Variants in CSMD1 observed in about 807,000 individuals in gnomAD.
The protein encoded by CSMD1 is CUB and sushi domain-containing protein 1.
A neutral mutation model predicts 417.5 loss-of-function variants in CSMD1; 213 were observed. That is an observed-to-expected ratio of 0.51 (90% CI 0.46 to 0.57). CSMD1 has a LOEUF of 0.57. Ranked by LOEUF, CSMD1 falls within the 20% of genes least tolerant of loss-of-function variation. The pLI is 0.00. For missense variants in CSMD1, 6,923 were observed against 4,529.7 expected, an observed-to-expected ratio of 1.53 and a Z score of -15.17; for synonymous variants, 2,862 against 1,736.8, an observed-to-expected ratio of 1.65 and a Z score of -16.11.
At chr8:4,733,775 C>G (rs1305735675) in intron 1 of CSMD1, among the ~76,000 whole-genome samples, 1 of 152,132 alleles carries the variant, frequency 6.6e-6, no homozygotes, top group Non-Finnish European at 1.5e-5. Context: ...AACTTAACAA[C>G]AACGACAAAA....
intron 10 of CSMD1, among the ~76,000 whole-genome samples, chr8:3,496,970 A>G (rs1796391568): frequency 6.6e-6 from 1 of 152,140 alleles, no homozygotes; most frequent in African/African-American, 2.4e-5. Context: ...CTTGTTATTT[A>G]TTTCTAATTT....
At chr8:3,737,744 T>A (rs780907931) in intron 6 of CSMD1, among the ~76,000 whole-genome samples, 1 of 152,196 alleles carries the variant, frequency 6.6e-6, no homozygotes, top group African/African-American at 2.4e-5. Context: ...TTAAAGATTC[T>A]CTGACCACAT....
chr8:3,978,362 T>C (rs1813605082), intron 5 of CSMD1, among the ~76,000 whole-genome samples: 1 of 152,178 alleles, frequency 6.6e-6, no homozygotes. Flanking sequence ...ATATAATTTT[T>C]ACATCTTATT....
Position 3,343,330 on chromosome 8 carries a change from A to T in CSMD1, c.3595T>A (p.Ser1199Thr). The T allele has an allele frequency of 6.2e-7, 1 of 1,613,848 alleles. No individual in the cohort carries two copies. The highest frequency in any genetic ancestry group is 8.5e-7 in the Non-Finnish European group (1 of 1,179,748). Residue 1199 changes from serine (S) to threonine (T), a missense_variant, in exon 23 of 70, where the codon TCT (serine) becomes ACT (threonine). Ser to Thr is a moderately conservative substitution (Grantham distance 58). Coordinates refer to ENST00000635120, the MANE Select transcript of CSMD1 (RefSeq NM_033225.6). ...HLWLEFNTNG[S>T]DTDQGFQLTY... ...AGTTGAAAACCTTGGTCGGTGTCAG[A>T]TCCATTGGTGTTGAACTCTAGCCAC...
intron 11 of CSMD1, among the ~76,000 whole-genome samples, chr8:3,479,144 T>C (rs905144045): frequency 5.9e-5 from 9 of 152,042 alleles, no homozygotes; most frequent in African/African-American, 7.2e-5. Flanking sequence ...AAGCCTCCAA[T>C]AGTCAAATTA....
intron 41 of CSMD1, among the ~76,000 whole-genome samples, chr8:3,124,669 G>A (rs1043320761): frequency 4.6e-5 from 7 of 151,960 alleles, no homozygotes; most frequent in Non-Finnish European, 8.8e-5. Context: ...TCACACTCTC[G>A]CCACCTCCTA....
intron 12 of CSMD1, among the ~76,000 whole-genome samples, chr8:3,453,753 A>G (rs939974291): frequency 1.3e-5 from 2 of 152,156 alleles, no homozygotes; most frequent in African/African-American, 4.8e-5. Context: ...ATTTTGGAAT[A>G]GGTGTGGTAT....
At chr8:4,751,814 C>T (rs968186951) in intron 1 of CSMD1, among the ~76,000 whole-genome samples, 2 of 152,106 alleles carry the variant, frequency 1.3e-5, no homozygotes, top group African/African-American at 2.4e-5. Flanking sequence ...GCAGAGTCCA[C>T]ATGATGTCTT....
chr8:4,413,704 T>A (rs1051602057), intron 3 of CSMD1, among the ~76,000 whole-genome samples: 1 of 152,104 alleles, frequency 6.6e-6, no homozygotes, highest in African/African-American at 2.4e-5. Flanking sequence ...TTTTCCAATG[T>A]CATTTAACAT....
At chr8:3,418,967 A>G (rs1813322596) in intron 12 of CSMD1, among the ~76,000 whole-genome samples, 1 of 152,250 alleles carries the variant, frequency 6.6e-6, no homozygotes, top group Non-Finnish European at 1.5e-5. Context: ...AGAATTAATT[A>G]GTAGAAATTT....
chr8:4,261,222 C>T (rs899910809), intron 3 of CSMD1, among the ~76,000 whole-genome samples: 1 of 152,170 alleles, frequency 6.6e-6, no homozygotes, highest in African/African-American at 2.4e-5. Context: ...GAGGACCAGC[C>T]ATTCCTGAAT....
intron 2 of CSMD1, among the ~76,000 whole-genome samples, chr8:4,526,630 G>T (rs1796527261): frequency 6.6e-6 from 1 of 152,260 alleles, no homozygotes; most frequent in South Asian, 2.1e-4. Flanking sequence ...TCACTCTTGG[G>T]AATTAACAAA....
chr8:4,219,450 G>T (rs1647321), intron 3 of CSMD1, among the ~76,000 whole-genome samples: 151,832 of 152,308 alleles, frequency 1, 75,680 homozygotes, highest in Non-Finnish European at 1. Context: ...ATTCATACCC[G>T]AACCTCTCTC....
chr8:3,617,129 T>C (rs570712659), intron 7 of CSMD1, among the ~76,000 whole-genome samples: 1 of 152,182 alleles, frequency 6.6e-6, no homozygotes, highest in East Asian at 1.9e-4. Context: ...AACAGCATTA[T>C]GAGAAAAACG....
intron 8 of CSMD1, among the ~76,000 whole-genome samples, chr8:3,597,756 T>G (rs1056046624): frequency 1.3e-5 from 2 of 152,004 alleles, no homozygotes; most frequent in African/African-American, 4.8e-5. Flanking sequence ...AAACATTGCA[T>G]GTTCTCACTC....
intron 6 of CSMD1, among the ~76,000 whole-genome samples, chr8:3,738,257 A>G (rs1287985943): frequency 6.6e-6 from 1 of 152,244 alleles, no homozygotes; most frequent in Non-Finnish European, 1.5e-5. Context: ...GCCCTAACAG[A>G]AAATAGCGAC....
chr8:4,939,842 G>A (rs931295430), intron 1 of CSMD1, among the ~76,000 whole-genome samples: 1 of 152,198 alleles, frequency 6.6e-6, no homozygotes, highest in Non-Finnish European at 1.5e-5. Flanking sequence ...ATGTAGCATG[G>A]AAGTGAATAA....
At chr8:3,651,733 T>G (rs1046607713) in intron 7 of CSMD1, among the ~76,000 whole-genome samples, 1 of 150,096 alleles carries the variant, frequency 6.7e-6, no homozygotes, top group Non-Finnish European at 1.5e-5. Flanking sequence ...AGCAACAGCG[T>G]GCTTACTATC....
intron 6 of CSMD1, among the ~76,000 whole-genome samples, chr8:3,747,968 G>C (rs1016332529): frequency 1.3e-5 from 2 of 152,038 alleles, no homozygotes; most frequent in African/African-American, 4.8e-5. Flanking sequence ...TTGTCTAGAA[G>C]TCCACCATGG....
Sources: allele counts gnomAD v4.1 joint callset (sites outside exome capture counted in the v4.1 genomes callset), GRCh38; gene constraint gnomAD v4.1.1; transcripts MANE v1.5; gene names NCBI Gene and HGNC (gene_info 2026-07-23, HGNC 2026-07-21).